The following STRN4 variants were observed in gnomAD, a reference collection of about 807,000 sequenced individuals.
The protein encoded by STRN4 is striatin-4.
A neutral mutation model predicts 77.9 loss-of-function variants in STRN4; 27 were observed. That is an observed-to-expected ratio of 0.35 (90% CI 0.26 to 0.48). STRN4 has a LOEUF of 0.48. Among genes scored for constraint, STRN4 ranks in the 20% least tolerant of loss-of-function variants. The pLI is 0.99. For synonymous variants in STRN4, 466 were observed against 443.1 expected, an observed-to-expected ratio of 1.05 and a Z score of -0.65; for missense variants, 798 against 1,049.7, an observed-to-expected ratio of 0.76 and a Z score of 3.31.
intron 16 of STRN4, chr19:46,721,080 C>A (rs895879722): frequency 1.8e-5 from 5 of 272,914 alleles, no homozygotes; most frequent in Non-Finnish European, 2.7e-5. Context: ...AGCTGGGCAA[C>A]AGGAAGAGAA....
Position 46,733,750 on chromosome 19 carries a change from C to T in STRN4, c.540-514G>A, listed in dbSNP as rs2054303615. 1 of 153,782 alleles carries T rather than the reference C, an allele frequency of 6.5e-6. No homozygotes were observed. Among genetic ancestry groups the T allele is most frequent in the African/African-American group, 2.4e-5 (1 of 41,472 alleles). 9.5% of individuals were successfully genotyped at this position (153,782 alleles called of 1,614,324 possible). ...CTAGAAAGATCCATAAAAAACATAACAGCAGTGACCTCTGGAGAATGGGAT... is the reference window on the plus strand; with the variant it reads ...CTAGAAAGATCCATAAAAAACATAATAGCAGTGACCTCTGGAGAATGGGAT... On this transcript the variant is annotated intron_variant, in intron 4 of 17. Coordinates refer to ENST00000263280, the MANE Select transcript of STRN4 (RefSeq NM_013403.3). The surrounding 1 kb of genome is among the most constrained non-coding windows in gnomAD (Gnocchi z 4.3).
At chr19:46,727,347 A>G in intron 9 of STRN4, 105 bp downstream of exon 9, 3 of 962,748 alleles carry the variant, frequency 3.1e-6, no homozygotes, top group Non-Finnish European at 3.2e-6. Context: ...CCCCTCTGTG[A>G]AACAGGATGA....
rs1568395576 is a variant in STRN4, at chr19:46,728,774, G to C, written c.883C>G (p.Pro295Ala). 2 of 1,614,056 alleles carry C rather than the reference G, an allele frequency of 1.2e-6. No individual in the cohort carries two copies. The highest frequency in any genetic ancestry group is 1.7e-6 in the Non-Finnish European group (2 of 1,179,926). The change falls in exon 7 of 18, where the codon CCA becomes GCA. Residue 295 changes from proline to alanine, a missense_variant. By Grantham distance (27) the Pro-to-Ala change is conservative. Around this residue, in one of 2 missense-constraint regions of STRN4, gnomAD observed 511 missense variants for 575.9 expected, o/e 0.89. Transcript: ENST00000263280. ...VQHKKQRVKL[P>A]SKALVPEMED... is the part of the protein sequence containing the mutation. ...ATTTCGGGCACCAGAGCCTTGGATG[G>C]GAGCTGGCACATGGAGAAAGCCAGA...
intron 16 of STRN4, 141 bp downstream of exon 16, chr19:46,721,844 TG>T: frequency 2.4e-6 from 2 of 816,478 alleles, no homozygotes; most frequent in Non-Finnish European, 2.0e-6. Flanking sequence ...CTGCCCCCTA[TG>T]GTCACCACGG....
intron 1 of STRN4, among the ~76,000 whole-genome samples, chr19:46,742,841 G>A (rs554261376): frequency 1.2e-4 from 18 of 152,340 alleles, no homozygotes; most frequent in Admixed American, 2.6e-4. Context: ...GATTACAGGC[G>A]CGAGCCACCG....
At chr19:46,720,386 G>T in intron 17 of STRN4, 48 bp from the exon 18 acceptor site, 1 of 468,838 alleles carries the variant, frequency 2.1e-6, no homozygotes, top group Non-Finnish European at 3.5e-6. Flanking sequence ...CCTCTAGGGC[G>T]CCTCTAAGGC....
At chr19:46,732,893 AG>A in intron 5 of STRN4, 145 bp downstream of exon 5, 3 of 937,850 alleles carry the variant, frequency 3.2e-6, no homozygotes, top group Non-Finnish European at 4.7e-6. Flanking sequence ...GAAGGGACTC[AG>A]GGTTTCAGAA....
At chr19:46,729,792 G>A (rs1040061528) in intron 6 of STRN4, among the ~76,000 whole-genome samples, 2 of 152,208 alleles carry the variant, frequency 1.3e-5, no homozygotes, top group Non-Finnish European at 2.9e-5. Context: ...CTGGGCACCA[G>A]CTCATTCTAA....
chr19:46,719,864 T>A lies in STRN4; in HGVS notation c.*541A>T, dbSNP rs1256780662. 6.6e-6 allele frequency: 1 copy of A among 152,182 alleles called. No homozygotes were observed. The highest frequency in any genetic ancestry group is 2.4e-5 in the African/African-American group (1 of 41,394). 9.4% of individuals were successfully genotyped at this position (152,182 alleles called of 1,614,324 possible). A position where few individuals can be genotyped will look rare whatever the true frequency, so the allele number is the denominator to read the frequency against. On this transcript the variant is annotated 3_prime_UTR_variant, in exon 18 of 18. Coordinates refer to ENST00000263280, the MANE Select transcript of STRN4 (RefSeq NM_013403.3). ...CGCTGGGAGGGCTGCCCTAGGAGTG[T>A]TGGGCAATCCCTGGCCTGGAAGCCT...
chr19:46,731,327 G>A (rs547534286), intron 5 of STRN4: 16 of 169,074 alleles, frequency 9.5e-5, no homozygotes, highest in Admixed American at 6.9e-4. Flanking sequence ...GGCGCCGAAA[G>A]CCAGCCAGCC....
chr19:46,723,105 C>T lies in STRN4; in HGVS notation c.1765+9G>A. 6.4e-7 allele frequency: 1 copy of T among 1,561,044 alleles called. No homozygotes were observed. Among genetic ancestry groups the T allele is most frequent in the Non-Finnish European group, 8.7e-7 (1 of 1,153,006 alleles). ...AGCTCCAGGGTGAGGCACCGGGGCC[C>T]CCACTCACCGCTGGCTGTGGGGAAG... On this transcript the variant is annotated intron_variant, in intron 13 of 17. Coordinates refer to ENST00000263280, the MANE Select transcript of STRN4 (RefSeq NM_013403.3). The surrounding 1 kb of genome is among the most constrained non-coding windows in gnomAD (Gnocchi z 5.5).
chr19:46,730,971 C>A (rs1026501615), intron 5 of STRN4, 98 bp from the exon 6 acceptor site: 62 of 1,531,636 alleles, frequency 4.0e-5, no homozygotes, highest in East Asian at 9.1e-5. Flanking sequence ...AGAGCCCAGA[C>A]CCAGCTAACC....
chr19:46,729,786 G>A (rs2054207567), intron 6 of STRN4, among the ~76,000 whole-genome samples: 1 of 152,190 alleles, frequency 6.6e-6, no homozygotes, highest in African/African-American at 2.4e-5. Flanking sequence ...GGCTTCCTGG[G>A]CACCAGCTCA....
At position 46,719,783 on chromosome 19, in the gene STRN4, AT is replaced by A. The variant is rs2053934664; in HGVS notation, c.*621del. ...GGACCCGAGGCCCACTCCACCCTCC[AT>A]GCCCCAGGGAGGGGCACAAGAAAGC... On this transcript the variant is annotated 3_prime_UTR_variant, in exon 18 of 18. Coordinates refer to ENST00000263280, the MANE Select transcript of STRN4 (RefSeq NM_013403.3). 6.6e-6 allele frequency: 1 copy of A among 152,346 alleles called. No individual in the cohort carries two copies. Among genetic ancestry groups the A allele is most frequent in the Non-Finnish European group, 1.5e-5 (1 of 68,020 alleles). The allele number at this position is 152,346 out of a possible 1,614,324, so 9.4% of individuals were successfully genotyped here. A position where few individuals can be genotyped will look rare whatever the true frequency, so the allele number is the denominator to read the frequency against.
In STRN4 at chr19:46,738,649, C is replaced by G; in HGVS notation, c.386+136G>C. On this transcript the variant is annotated intron_variant, in intron 2 of 17. Transcript: ENST00000263280. The surrounding 1 kb of genome is among the most constrained non-coding windows in gnomAD (Gnocchi z 4.5). ...CTCTGTCCTGTTTCTCCCCTAGAAT[C>G]TTATGGTACTGGAATGATGGAAAAG... The G allele has an allele frequency of 1.2e-6, 1 of 832,208 alleles. No individual in the cohort carries two copies. Among genetic ancestry groups the G allele is most frequent in the Non-Finnish European group, 2.0e-6 (1 of 504,084 alleles). 51.6% of individuals were successfully genotyped at this position (832,208 alleles called of 1,614,324 possible).
chr19:46,733,302 A>G lies in STRN4; in HGVS notation c.540-66T>C, dbSNP rs2122319296. The G allele has an allele frequency of 1.3e-6, 2 of 1,511,496 alleles. No homozygotes were observed. Among genetic ancestry groups the G allele is most frequent in the Non-Finnish European group, 9.0e-7 (1 of 1,115,226 alleles). The allele number at this position is 1,511,496 out of a possible 1,614,324, so 93.6% of individuals were successfully genotyped here. On this transcript the variant is annotated intron_variant, in intron 4 of 17. Transcript: ENST00000263280. This position sits in a 1 kb window ranked among gnomAD's most constrained non-coding sequence, Gnocchi z 4.3. The stretch of plus-strand genomic sequence containing the variant: ...GCTTCTTCATGTACCACAGGGGCCA[A>G]TGCAAACCGAGACAACCTCTTAAGG...
At chr19:46,724,293 C>G (rs2054054612) in intron 12 of STRN4, among the ~76,000 whole-genome samples, 1 of 140,584 alleles carries the variant, frequency 7.1e-6, no homozygotes. Flanking sequence ...AACAGGGGGA[C>G]AGATGTTGAA....
At chr19:46,736,206 G>C (rs1411808594) in intron 4 of STRN4, 3 of 152,050 alleles carry the variant, frequency 2.0e-5, no homozygotes, top group African/African-American at 7.3e-5. Flanking sequence ...GGTGGATGGA[G>C]GCAGAGGTTG....
In STRN4 at chr19:46,733,429, A is replaced by C; in HGVS notation, c.540-193T>G. 1 of 598,932 alleles carries C rather than the reference A, an allele frequency of 1.7e-6. No homozygotes were observed. 37.1% of individuals were successfully genotyped at this position (598,932 alleles called of 1,614,324 possible). On this transcript the variant is annotated intron_variant, in intron 4 of 17. Transcript: ENST00000263280. This position sits in a 1 kb window ranked among gnomAD's most constrained non-coding sequence, Gnocchi z 4.3. The stretch of plus-strand genomic sequence containing the variant: ...AGTGGAAGCCCTTGTACACACACAC[A>C]ATGCTATGTGTGAGGGTGCTCCCTG...
Sources: allele counts gnomAD v4.1 joint callset (sites outside exome capture counted in the v4.1 genomes callset), GRCh38; gene constraint gnomAD v4.1.1; regional missense constraint gnomAD v4.1.1; non-coding constraint Gnocchi (gnomAD v3.1); transcripts MANE v1.5; gene names NCBI Gene and HGNC (gene_info 2026-07-23, HGNC 2026-07-21).